GRHL2: variants seen among roughly 807,000 people sequenced by gnomAD.
The protein encoded by GRHL2 is grainyhead-like protein 2 homolog.
A neutral mutation model predicts 83.8 loss-of-function variants in GRHL2; 21 were observed. The observed-to-expected ratio is 0.25, with a 90% CI of 0.18 to 0.36. The LOEUF is 0.36. GRHL2 is among the 10% of genes least tolerant of loss of function. The pLI is 1.00. For synonymous variants in GRHL2, 280 were observed against 278.9 expected, an observed-to-expected ratio of 1.00 and a Z score of -0.04; for missense variants, 623 against 781.8, an observed-to-expected ratio of 0.80 and a Z score of 2.42.
chr8:101,576,662 G>C (rs999311055), intron 6 of GRHL2, among the ~76,000 whole-genome samples: 3 of 152,118 alleles, frequency 2.0e-5, no homozygotes, highest in Non-Finnish European at 2.9e-5. Context: ...GAAGAGGGTT[G>C]TTTTTGGTAC....
At chr8:101,676,303 C>T in the GRHL2 span, among the ~76,000 whole-genome samples, 2 of 150,874 alleles carry the variant, frequency 1.3e-5, no homozygotes, top group Admixed American at 6.6e-5. Context: ...ATTTTTGCAA[C>T]CTACTCATCT....
chr8:101,492,473 T>A lies in GRHL2; in HGVS notation c.-297T>A, dbSNP rs1055415043. On this transcript the variant is annotated 5_prime_UTR_variant, in exon 1 of 16. Transcript: ENST00000646743. Reference sequence around the variant, plus strand: ...ACCTGTGGCCGCCCAAGTCCGCCACTTTCTGCTCTGTGTCTGCCCATTGCC... The same window carrying A: ...ACCTGTGGCCGCCCAAGTCCGCCACATTCTGCTCTGTGTCTGCCCATTGCC... 2.0e-5 allele frequency: 11 copies of A among 544,096 alleles called. No homozygotes were observed. The African/African-American group carries it at 2.1e-4, about 10-fold the overall frequency. The allele number at this position is 544,096 out of a possible 1,614,324, so 33.7% of individuals were successfully genotyped here.
At chr8:101,598,581 ATTT>A (rs61519476) in intron 7 of GRHL2, among the ~76,000 whole-genome samples, 1 of 117,646 alleles carries the variant, frequency 8.5e-6, no homozygotes, top group Non-Finnish European at 1.8e-5. Flanking sequence ...GGTCTCCTGA[ATTT>A]TTTTTTTTTT....
chr8:101,636,832 A>G, intron 11 of GRHL2, 65 bp from the exon 12 acceptor site: 2 of 1,422,272 alleles, frequency 1.4e-6, no homozygotes, highest in Non-Finnish European at 9.9e-7. Context: ...AAGTCTGTAC[A>G]TCACGTAATA....
intron 1 of GRHL2, among the ~76,000 whole-genome samples, chr8:101,525,649 C>T (rs1810788522): frequency 6.6e-6 from 1 of 151,994 alleles, no homozygotes; most frequent in South Asian, 2.1e-4. Context: ...TACCACCACA[C>T]CCGGCTTGAA....
intron 4 of GRHL2, among the ~76,000 whole-genome samples, chr8:101,559,484 C>A (rs926103670): frequency 6.6e-6 from 1 of 151,804 alleles, no homozygotes; most frequent in Non-Finnish European, 1.5e-5. Context: ...GAGCCGAGAT[C>A]ATGCCACTGC....
At chr8:101,573,571 G>A in intron 5 of GRHL2, 97 bp from the exon 6 acceptor site, 1 of 1,428,576 alleles carries the variant, frequency 7.0e-7, no homozygotes, top group East Asian at 2.3e-5. Flanking sequence ...AGTAAACATT[G>A]GTTAATGTTC....
At chr8:101,656,992 C>T (rs1813805290) in intron 14 of GRHL2, among the ~76,000 whole-genome samples, 2 of 152,026 alleles carry the variant, frequency 1.3e-5, no homozygotes, top group East Asian at 1.9e-4. Flanking sequence ...TAGGGATGTT[C>T]TCTCTCAATG....
At chr8:101,594,867 A>T (rs1207491418) in intron 7 of GRHL2, among the ~76,000 whole-genome samples, 2 of 152,218 alleles carry the variant, frequency 1.3e-5, no homozygotes. Flanking sequence ...CTCATATAAC[A>T]TATATAACTA....
chr8:101,563,102 A>G (rs567127345), intron 4 of GRHL2, among the ~76,000 whole-genome samples: 1 of 152,206 alleles, frequency 6.6e-6, no homozygotes, highest in Non-Finnish European at 1.5e-5. Context: ...GGTAGGTACT[A>G]TTATTGTCAT....
intron 1 of GRHL2, among the ~76,000 whole-genome samples, chr8:101,524,337 T>C (rs1810756987): frequency 6.6e-6 from 1 of 152,228 alleles, no homozygotes; most frequent in Non-Finnish European, 1.5e-5. Flanking sequence ...AAGTCTTTAC[T>C]TCGTTAATTT....
At chr8:101,568,732 C>A (rs1309251250) in intron 4 of GRHL2, among the ~76,000 whole-genome samples, 1 of 152,060 alleles carries the variant, frequency 6.6e-6, no homozygotes, top group Non-Finnish European at 1.5e-5. Flanking sequence ...GAATGCTTTG[C>A]TGATTACCTA....
At chr8:101,565,981 G>T (rs1256858313) in intron 4 of GRHL2, among the ~76,000 whole-genome samples, 1 of 152,140 alleles carries the variant, frequency 6.6e-6, no homozygotes, top group Non-Finnish European at 1.5e-5. Context: ...TCTGAAACTG[G>T]AAGTGATCCT....
intron 8 of GRHL2, among the ~76,000 whole-genome samples, chr8:101,611,852 C>T (rs1299868435): frequency 6.6e-6 from 1 of 151,000 alleles, no homozygotes; most frequent in Non-Finnish European, 1.5e-5. Flanking sequence ...TATAAACCCT[C>T]CTTTTCCATT....
chr8:101,618,559 A>G (rs184950260), intron 8 of GRHL2, among the ~76,000 whole-genome samples: 1 of 152,188 alleles, frequency 6.6e-6, no homozygotes, highest in Non-Finnish European at 1.5e-5. Flanking sequence ...GAAATCTGAA[A>G]TTAAGTGACT....
At chr8:101,678,142 G>T in the GRHL2 span, among the ~76,000 whole-genome samples, 80 of 152,260 alleles carry the variant, frequency 5.3e-4, no homozygotes, top group African/African-American at 1.9e-3. Flanking sequence ...CGCAGAAGAC[G>T]GGTGATTTCT....
intron 8 of GRHL2, among the ~76,000 whole-genome samples, chr8:101,611,273 C>T (rs948623475): frequency 6.6e-6 from 1 of 151,024 alleles, no homozygotes; most frequent in Non-Finnish European, 1.5e-5. Context: ...AGTTCTTTTG[C>T]TTTCTTATGT....
At chr8:101,547,501 G>A (rs1043265837) in intron 2 of GRHL2, among the ~76,000 whole-genome samples, 8 of 152,182 alleles carry the variant, frequency 5.3e-5, no homozygotes, top group African/African-American at 7.2e-5. Flanking sequence ...TCCTGTGAAC[G>A]TGGCAAAGGC....
intron 1 of GRHL2, among the ~76,000 whole-genome samples, chr8:101,507,178 A>T (rs1218365019): frequency 6.6e-6 from 1 of 152,218 alleles, no homozygotes. Flanking sequence ...TTTTGCACCT[A>T]AAACTATTAA....
Sources: gnomAD v4.1 joint callset for allele counts (sites outside exome capture counted in the v4.1 genomes callset) on GRCh38, gnomAD v4.1.1 for gene constraint, MANE v1.5 for transcripts, NCBI Gene and HGNC (gene_info 2026-07-23, HGNC 2026-07-21) for gene names.